The following PARPBP variants were observed in gnomAD, a reference collection of about 807,000 sequenced individuals.
PARPBP encodes PCNA-interacting partner.
PARPBP carries 52 observed loss-of-function variants against 50.0 expected under a neutral mutation model. The ratio of observed to expected loss-of-function variants is 1.04; its 90% confidence interval spans 0.83 to 1.31. The LOEUF (loss-of-function observed/expected upper bound fraction) is 1.31. PARPBP is among the 50% of genes most tolerant of loss of function. PARPBP has a pLI of 0.00. For missense variants in PARPBP, 697 were observed against 672.0 expected (o/e 1.04, Z -0.41); for synonymous variants, 244 against 232.1 (o/e 1.05, Z -0.47).
chr12:102,175,520 C>T lies in PARPBP; in HGVS notation c.859C>T (p.Gln287Ter). 6.2e-7 allele frequency: 1 copy of T among 1,613,392 alleles called. No individual in the cohort carries two copies. Among genetic ancestry groups the T allele is most frequent in the Non-Finnish European group, 8.5e-7 (1 of 1,179,512 alleles). Residue 287 changes from glutamine to a stop codon, truncating the protein, a stop_gained, in exon 7 of 11, where the codon CAA becomes TAA. Coordinates refer to ENST00000327680, the MANE Select transcript of PARPBP (RefSeq NM_017915.5). LOFTEE classifies it high-confidence loss of function. ...GGQILSVIKMQLIKGQNSRDP... is the reference protein window; with the variant it reads ...GGQILSVIKM Reference sequence around the variant, plus strand: ...TCAAATACTGTCAGTGATAAAGATGCAACTGATTAAAGGCCAAAACAGCAG... The same window carrying T: ...TCAAATACTGTCAGTGATAAAGATGTAACTGATTAAAGGCCAAAACAGCAG...
chr12:102,139,085 G>T (rs1884132852), intron 2 of PARPBP, among the ~76,000 whole-genome samples: 1 of 152,120 alleles, frequency 6.6e-6, no homozygotes, highest in African/African-American at 2.4e-5. Flanking sequence ...GGACAGTATG[G>T]CCATTTTCAC....
At chr12:102,156,102 A>G (rs1160312190) in intron 4 of PARPBP, among the ~76,000 whole-genome samples, 1 of 149,800 alleles carries the variant, frequency 6.7e-6, no homozygotes, top group Non-Finnish European at 1.5e-5. Context: ...GCCCGCCACC[A>G]TCTTGGGAGC....
At chr12:102,151,538 C>G (rs1258784006) in intron 3 of PARPBP, 1 of 1,494,012 alleles carries the variant, frequency 6.7e-7, no homozygotes, top group Non-Finnish European at 9.0e-7. Flanking sequence ...GATGCCTGCA[C>G]ACTTTTTAGG....
At chr12:102,136,202 G>A (rs911061043) in intron 2 of PARPBP, among the ~76,000 whole-genome samples, 3 of 152,182 alleles carry the variant, frequency 2.0e-5, no homozygotes, top group Admixed American at 1.3e-4. Context: ...TTCTTTGGTA[G>A]TGTGAGGAAG....
In PARPBP at chr12:102,182,767, T is replaced by C. The variant is rs190081518; in HGVS notation, c.1263+140T>C. The stretch of plus-strand genomic sequence containing the variant: ...TAGGAATTAAATGGAAAATGAGTTA[T>C]GACAGTTGACGTACAGAGACTTTCC... On this transcript the variant is annotated intron_variant, in intron 9 of 10. Coordinates refer to ENST00000327680, the MANE Select transcript of PARPBP (RefSeq NM_017915.5). The C allele has an allele frequency of 1.4e-3, 940 of 666,586 alleles. 1 individual carries two copies. The highest frequency in any genetic ancestry group is 2.1e-3 in the Non-Finnish European group (782 of 380,150). 41.3% of individuals were successfully genotyped at this position (666,586 alleles called of 1,614,324 possible). A position where few individuals can be genotyped will look rare whatever the true frequency, so the allele number is the denominator to read the frequency against.
At chr12:102,175,073 T>C (rs1297370422) in intron 6 of PARPBP, among the ~76,000 whole-genome samples, 1 of 152,214 alleles carries the variant, frequency 6.6e-6, no homozygotes, top group East Asian at 1.9e-4. Context: ...GGGATAATAA[T>C]ATCAACTTAC....
At position 102,165,874 on chromosome 12, in the gene PARPBP, C is replaced by A. The variant is rs1888089516; in HGVS notation, c.812C>A (p.Pro271Gln). Residue 271 changes from proline to glutamine, a missense_variant, in exon 6 of 11, where the codon CCA becomes CAA. Coordinates refer to ENST00000327680, the MANE Select transcript of PARPBP (RefSeq NM_017915.5). ...DKLDEILGEI[P>Q]NPSIAGGQIL... is the part of the protein sequence containing the mutation. ...TTAGATGAGATTCTTGGAGAAATAC[C>A]AAACCCAAGGTAATGACTTTTCATA... The A allele has an allele frequency of 2.6e-6, 4 of 1,543,500 alleles. No individual in the cohort carries two copies. The highest frequency in any genetic ancestry group is 3.6e-6 in the Non-Finnish European group (4 of 1,121,632).
At position 102,197,089 on chromosome 12, in the gene PARPBP, G is replaced by A. The variant is rs780139611; in HGVS notation, c.*798G>A. ...TCCATTCTCAGCTGGGAAAGCTACAGATCCTTTTAGTGCAAGATAAGGTTT... is the reference window on the plus strand; with the variant it reads ...TCCATTCTCAGCTGGGAAAGCTACAAATCCTTTTAGTGCAAGATAAGGTTT... On this transcript the variant is annotated 3_prime_UTR_variant, in exon 11 of 11. Transcript: ENST00000327680. 8 of 1,611,824 alleles carry A rather than the reference G, an allele frequency of 5.0e-6. No individual in the cohort carries two copies. In the African/African-American group the frequency reaches 1.1e-4, roughly 22 times the overall value.
At chr12:102,132,053 A>G (rs1433196117) in intron 2 of PARPBP, among the ~76,000 whole-genome samples, 1 of 152,076 alleles carries the variant, frequency 6.6e-6, no homozygotes. Flanking sequence ...AAAATACACA[A>G]ATTAGCCAGG....
intron 2 of PARPBP, among the ~76,000 whole-genome samples, chr12:102,146,644 G>T (rs1371459057): frequency 6.6e-6 from 1 of 152,068 alleles, no homozygotes; most frequent in Non-Finnish European, 1.5e-5. Context: ...TACCATTCAG[G>T]ACATAGGCAT....
At chr12:102,124,108 A>G in intron 2 of PARPBP, 67 bp downstream of exon 2, 1 of 1,053,154 alleles carries the variant, frequency 9.5e-7, no homozygotes, top group Non-Finnish European at 1.4e-6. Flanking sequence ...CCATTTGAAT[A>G]AACTTAAGCT....
At chr12:102,121,320 A>G (rs1266216374) in intron 1 of PARPBP, among the ~76,000 whole-genome samples, 1 of 152,172 alleles carries the variant, frequency 6.6e-6, no homozygotes, top group African/African-American at 2.4e-5. Flanking sequence ...ATGTTTTGTG[A>G]TGTGTAAAAA....
chr12:102,161,572 G>A (rs1410080990), intron 4 of PARPBP, among the ~76,000 whole-genome samples: 1 of 152,140 alleles, frequency 6.6e-6, no homozygotes. Context: ...TAGGATCTAA[G>A]GACAGATGAT....
In PARPBP at chr12:102,124,116, G is replaced by C. The variant is rs892844653; in HGVS notation, c.153+75G>C. The C allele has an allele frequency of 2.1e-5, 21 of 983,174 alleles. No homozygotes were observed. The Admixed American group carries it at 4.9e-4, about 23-fold the overall frequency. 60.9% of individuals were successfully genotyped at this position (983,174 alleles called of 1,614,324 possible). ...TTGCTGCCCATTTGAATAAACTTAA[G>C]CTTAAGAATATTAATTTCTTTACAT... On this transcript the variant is annotated intron_variant, in intron 2 of 10. Coordinates refer to ENST00000327680, the MANE Select transcript of PARPBP (RefSeq NM_017915.5).
intron 2 of PARPBP, among the ~76,000 whole-genome samples, chr12:102,139,201 C>G (rs551552464): frequency 6.6e-6 from 1 of 152,246 alleles, no homozygotes; most frequent in South Asian, 2.1e-4. Context: ...AGAGGTCCTT[C>G]ACATCCCTTG....
chr12:102,148,196 TTA>T, intron 2 of PARPBP, 32 bp from the exon 3 acceptor site: 1 of 953,534 alleles, frequency 1.0e-6, no homozygotes, highest in Non-Finnish European at 1.6e-6. Flanking sequence ...GTACCCAACT[TTA>T]TTTTTTTTTT....
At chr12:102,124,695 T>G (rs1403881910) in intron 2 of PARPBP, among the ~76,000 whole-genome samples, 1 of 152,222 alleles carries the variant, frequency 6.6e-6, no homozygotes, top group Non-Finnish European at 1.5e-5. Flanking sequence ...TGGTATGAAC[T>G]TGGCAAAGAT....
intron 3 of PARPBP, chr12:102,151,978 G>A: frequency 1.7e-6 from 1 of 588,538 alleles, no homozygotes; most frequent in South Asian, 2.1e-5. Flanking sequence ...GTGTACCATG[G>A]TTACCAAATA....
chr12:102,182,856 A>G (rs2136988246), intron 9 of PARPBP, among the ~76,000 whole-genome samples: 1 of 152,162 alleles, frequency 6.6e-6, no homozygotes, highest in East Asian at 1.9e-4. Context: ...AAAAAGGGAA[A>G]TGAATAAGCA....
Sources: allele counts gnomAD v4.1 joint callset (sites outside exome capture counted in the v4.1 genomes callset), GRCh38; gene constraint gnomAD v4.1.1; transcripts MANE v1.5; gene names NCBI Gene and HGNC (gene_info 2026-07-23, HGNC 2026-07-21).